CCDC192: variants seen among roughly 807,000 people sequenced by gnomAD.
The protein encoded by CCDC192 is coiled-coil domain containing 192, also known as coiled-coil domain-containing protein 192.
intron 5 of CCDC192, among the ~76,000 whole-genome samples, chr5:127,871,808 T>C (rs1369964960): frequency 6.6e-6 from 1 of 152,234 alleles, no homozygotes; most frequent in Admixed American, 6.5e-5. Context: ...TTCAAAACAT[T>C]GCACAAATAC....
At chr5:127,877,061 T>C (rs1163638133) in intron 6 of CCDC192, among the ~76,000 whole-genome samples, 1 of 152,190 alleles carries the variant, frequency 6.6e-6, no homozygotes, top group Non-Finnish European at 1.5e-5. Flanking sequence ...CTGACAATGA[T>C]TGTAGAGCAC....
At chr5:127,752,792 C>T (rs1226288909) in intron 2 of CCDC192, among the ~76,000 whole-genome samples, 3 of 152,218 alleles carry the variant, frequency 2.0e-5, no homozygotes, top group Non-Finnish European at 1.5e-5. Flanking sequence ...CCCTCTGAGC[C>T]AGGTGCGAGA....
At chr5:127,932,025 G>A (rs929918633) in intron 6 of CCDC192, among the ~76,000 whole-genome samples, 13 of 151,382 alleles carry the variant, frequency 8.6e-5, no homozygotes, top group Admixed American at 2.6e-4. Context: ...GTGGTGGTGC[G>A]CACCTGTAGT....
At chr5:127,859,747 A>G (rs760076440) in intron 5 of CCDC192, among the ~76,000 whole-genome samples, 1 of 151,924 alleles carries the variant, frequency 6.6e-6, no homozygotes, top group Non-Finnish European at 1.5e-5. Flanking sequence ...GTCCTTCCAT[A>G]TTTTTCATCT....
At chr5:127,827,083 A>G (rs1013973470) in intron 5 of CCDC192, among the ~76,000 whole-genome samples, 6 of 152,168 alleles carry the variant, frequency 3.9e-5, no homozygotes, top group African/African-American at 7.2e-5. Context: ...GTAGTGGATG[A>G]ATTATGTCAC....
rs112955117 is a variant in CCDC192 at position 127,757,798 on chromosome 5, ACTCTCTCT to A, written c.222+3437_222+3444del. The stretch of plus-strand genomic sequence containing the variant: ...CACACACACACACACACACACACAC[ACTCTCTCT>A]CTCTCTCTCTCTCAATCTGTGTGTA... On this transcript the variant is annotated intron_variant, in intron 3 of 6. Coordinates refer to ENST00000514853, the MANE Select transcript of CCDC192 (RefSeq NM_001317938.2). 6.5e-3 allele frequency among the ~76,000 whole-genome samples: 764 copies of A among 117,270 alleles called. 11 individuals carry two copies. Among genetic ancestry groups the A allele is most frequent in the African/African-American group, 0.026 (722 of 27,596 alleles). 76.9% of individuals were successfully genotyped at this position (117,270 alleles called of 152,430 possible). A position where few individuals can be genotyped will look rare whatever the true frequency, so the allele number is the denominator to read the frequency against.
rs150942288 is a variant in CCDC192 at position 127,789,163 on chromosome 5, A to G, written c.223-7940A>G. 3.3e-4 allele frequency among the ~76,000 whole-genome samples: 50 copies of G among 152,366 alleles called. No individual in the cohort carries two copies. In the East Asian group the frequency reaches 7.1e-3, roughly 22 times the overall value. On this transcript the variant is annotated intron_variant, in intron 3 of 6. Coordinates refer to ENST00000514853, the MANE Select transcript of CCDC192 (RefSeq NM_001317938.2). The stretch of plus-strand genomic sequence containing the variant: ...TAGAAGTCTGAACTGACTAAAATAA[A>G]TTGGTAACAAGAAGTGGGATGCTAC...
intron 3 of CCDC192, among the ~76,000 whole-genome samples, chr5:127,760,209 C>G (rs1449965566): frequency 6.6e-6 from 1 of 151,160 alleles, no homozygotes; most frequent in African/African-American, 2.4e-5. Context: ...GATACCAGCC[C>G]TTTAGTCCAC....
At chr5:127,753,631 T>G (rs1340927568) in intron 2 of CCDC192, among the ~76,000 whole-genome samples, 1 of 147,012 alleles carries the variant, frequency 6.8e-6, no homozygotes, top group Non-Finnish European at 1.5e-5. Context: ...GAGGTTGCAG[T>G]GAGCCAAGAT....
At chr5:127,814,911 T>A (rs879688981) in intron 5 of CCDC192, among the ~76,000 whole-genome samples, 1 of 152,256 alleles carries the variant, frequency 6.6e-6, no homozygotes, top group Admixed American at 6.5e-5. Context: ...GTATGGCGAA[T>A]TTTTAAAAAT....
chr5:127,930,042 A>G (rs1235480903), intron 6 of CCDC192, among the ~76,000 whole-genome samples: 1 of 152,112 alleles, frequency 6.6e-6, no homozygotes, highest in Non-Finnish European at 1.5e-5. Context: ...CATCTCTACT[A>G]AAAATACAAA....
At chr5:127,797,750 TA>T (rs1561494002) in intron 4 of CCDC192, among the ~76,000 whole-genome samples, 330 of 30,940 alleles carry the variant, frequency 0.011, 13 homozygotes, top group African/African-American at 0.012. Flanking sequence ...TATATATATA[TA>T]TATATATATA....
At chr5:127,903,325 C>T (rs1265570717) in intron 6 of CCDC192, among the ~76,000 whole-genome samples, 3 of 151,924 alleles carry the variant, frequency 2.0e-5, no homozygotes, top group African/African-American at 7.3e-5. Context: ...ACACTGCAAC[C>T]TCTGCCTCCC....
intron 6 of CCDC192, among the ~76,000 whole-genome samples, chr5:127,877,150 T>C (rs1191929000): frequency 6.6e-6 from 1 of 152,098 alleles, no homozygotes; most frequent in African/African-American, 2.4e-5. Context: ...CAAAAATATA[T>C]ATATATAATC....
chr5:127,794,693 A>G (rs568638219), intron 3 of CCDC192, among the ~76,000 whole-genome samples: 2 of 152,328 alleles, frequency 1.3e-5, no homozygotes, highest in African/African-American at 4.8e-5. Context: ...TATTTCTTTA[A>G]CAAATGAGTG....
intron 3 of CCDC192, among the ~76,000 whole-genome samples, chr5:127,762,034 C>T (rs919250321): frequency 6.6e-6 from 1 of 151,770 alleles, no homozygotes; most frequent in Non-Finnish European, 1.5e-5. Context: ...CTGATGCATA[C>T]TGAGATTATC....
At chr5:127,783,017 AC>A (rs1329143165) in intron 3 of CCDC192, among the ~76,000 whole-genome samples, 380 of 146,332 alleles carry the variant, frequency 2.6e-3, no homozygotes, top group African/African-American at 8.8e-3. Context: ...TTTTTTTAAG[AC>A]GGAGTTTCAC....
intron 6 of CCDC192, chr5:127,940,861 CTTTG>C (rs1754380237): frequency 1.4e-5 from 3 of 215,508 alleles, no homozygotes; most frequent in South Asian, 3.7e-4. Context: ...TTAGGATGGC[CTTTG>C]TTTGTAGATT....
intron 5 of CCDC192, among the ~76,000 whole-genome samples, chr5:127,853,066 G>A (rs1750870964): frequency 6.6e-6 from 1 of 152,040 alleles, no homozygotes; most frequent in Admixed American, 6.6e-5. Context: ...CTCCAGCCTG[G>A]GCAACAGAGC....
Sources: allele counts gnomAD v4.1 joint callset (sites outside exome capture counted in the v4.1 genomes callset), GRCh38; gene constraint gnomAD v4.1.1; transcripts MANE v1.5; gene names NCBI Gene and HGNC (gene_info 2026-07-23, HGNC 2026-07-21).